ATF6: variants seen among roughly 807,000 people sequenced by gnomAD.
ATF6 encodes the protein activating transcription factor 6, also known as cyclic AMP-dependent transcription factor ATF-6 alpha.
A neutral mutation model predicts 83.6 loss-of-function variants in ATF6; 53 were observed. That is an observed-to-expected ratio of 0.63 (90% CI 0.51 to 0.80). ATF6 has a LOEUF of 0.80. ATF6 is among the 30% of genes least tolerant of loss of function. The probability of loss-of-function intolerance (pLI) is 0.00; values close to 1 mark genes in which losing one functional copy is unlikely to be tolerated. For synonymous variants in ATF6, 288 were observed against 285.8 expected (o/e 1.01, Z -0.08); for missense variants, 744 against 797.9 (o/e 0.93, Z 0.81).
At chr1:161,898,017 A>G (rs1418593019) in intron 14 of ATF6, among the ~76,000 whole-genome samples, 1 of 152,172 alleles carries the variant, frequency 6.6e-6, no homozygotes, top group African/African-American at 2.4e-5. Context: ...CTTGTGGTAT[A>G]TTTTGGAGAT....
At chr1:161,881,629 G>C (rs1031247414) in intron 14 of ATF6, among the ~76,000 whole-genome samples, 1 of 152,152 alleles carries the variant, frequency 6.6e-6, no homozygotes, top group African/African-American at 2.4e-5. Context: ...ACCTCCTCAT[G>C]TTCAGCAATC....
At chr1:161,938,891 A>T (rs1008880509) in intron 15 of ATF6, among the ~76,000 whole-genome samples, 4 of 152,174 alleles carry the variant, frequency 2.6e-5, no homozygotes, top group African/African-American at 7.2e-5. Context: ...GCTCACTTTT[A>T]AAAAATTCCC....
At chr1:161,945,783 T>C (rs1421964362) in intron 15 of ATF6, among the ~76,000 whole-genome samples, 1 of 152,202 alleles carries the variant, frequency 6.6e-6, no homozygotes, top group African/African-American at 2.4e-5. Flanking sequence ...ATAGAAGCTA[T>C]GTTATATAAG....
At chr1:161,937,832 A>G (rs1428243767) in intron 15 of ATF6, among the ~76,000 whole-genome samples, 1 of 151,998 alleles carries the variant, frequency 6.6e-6, no homozygotes, top group Non-Finnish European at 1.5e-5. Flanking sequence ...TGGCACATGT[A>G]TACCTATGTA....
At chr1:161,828,629 C>T (rs1237867404) in intron 9 of ATF6, among the ~76,000 whole-genome samples, 1 of 152,138 alleles carries the variant, frequency 6.6e-6, no homozygotes, top group Non-Finnish European at 1.5e-5. Flanking sequence ...TTATTAAGTA[C>T]CTATCTTGGT....
intron 14 of ATF6, among the ~76,000 whole-genome samples, chr1:161,909,713 T>C (rs1431947136): frequency 6.6e-6 from 1 of 152,010 alleles, no homozygotes; most frequent in East Asian, 1.9e-4. Flanking sequence ...TCCCAGCACT[T>C]TGGGAGGCCG....
intron 14 of ATF6, among the ~76,000 whole-genome samples, chr1:161,877,095 A>G (rs955801921): frequency 2.6e-5 from 4 of 152,108 alleles, no homozygotes; most frequent in Non-Finnish European, 4.4e-5. Context: ...TGTGTTTCAT[A>G]ACTTTCTCCA....
chr1:161,858,901 A>C (rs889957692), intron 12 of ATF6, among the ~76,000 whole-genome samples: 3 of 152,180 alleles, frequency 2.0e-5, no homozygotes, highest in Non-Finnish European at 4.4e-5. Context: ...TTCTGAGACT[A>C]GGGAAATAAG....
intron 1 of ATF6, among the ~76,000 whole-genome samples, chr1:161,776,403 C>G (rs1684515091): frequency 6.6e-6 from 1 of 152,100 alleles, no homozygotes; most frequent in African/African-American, 2.4e-5. Flanking sequence ...TGCACAAAAC[C>G]CCATCACCTT....
chr1:161,773,212 C>T (rs1684434189), intron 1 of ATF6, among the ~76,000 whole-genome samples: 1 of 151,144 alleles, frequency 6.6e-6, no homozygotes, highest in Non-Finnish European at 1.5e-5. Flanking sequence ...CGGCTCACTG[C>T]AAGCTCCACC....
Position 161,778,321 on chromosome 1 carries a change from G to C in ATF6, c.159+1G>C. The C allele has an allele frequency of 6.2e-7, 1 of 1,610,934 alleles. No individual in the cohort carries two copies. Among genetic ancestry groups the C allele is most frequent in the Non-Finnish European group, 8.5e-7 (1 of 1,177,494 alleles). Reference sequence around the variant, plus strand: ...ATTGGAAGCAGCAAATGAGACGTATGTAAGTATTTACTAAGGTTGAATAAT... The same window carrying C: ...ATTGGAAGCAGCAAATGAGACGTATCTAAGTATTTACTAAGGTTGAATAAT... On this transcript the variant is annotated splice_donor_variant, in intron 2 of 15. Coordinates refer to ENST00000367942, the MANE Select transcript of ATF6 (RefSeq NM_007348.4). LOFTEE classifies it high-confidence loss of function.
intron 9 of ATF6, among the ~76,000 whole-genome samples, chr1:161,833,238 A>G (rs946218694): frequency 6.6e-6 from 1 of 152,316 alleles, no homozygotes; most frequent in South Asian, 2.1e-4. Context: ...GGACATCCAC[A>G]CCAAAAACCC....
In ATF6 at chr1:161,819,741, G is replaced by A. The variant is rs749537392; in HGVS notation, c.1018G>A (p.Ala340Thr). 5.0e-6 allele frequency: 8 copies of A among 1,612,826 alleles called. No individual in the cohort carries two copies. The Admixed American group carries it at 1.3e-4, about 27-fold the overall frequency. The change falls in exon 8 of 16, where the codon GCT becomes ACT. Residue 340 changes from alanine (A) to threonine (T), a missense_variant. Transcript: ENST00000367942. ...GCTAGGGTTAGAGGCGAGATTAAAG[G>A]CTGCCCTCTCAGAAAACGAGCAACT... ...YMLGLEARLK[A>T]ALSENEQLKK...
At chr1:161,913,957 G>A (rs1688041548) in intron 15 of ATF6, among the ~76,000 whole-genome samples, 1 of 152,178 alleles carries the variant, frequency 6.6e-6, no homozygotes. Context: ...AAACCAACAA[G>A]ATGCTGTTTG....
At chr1:161,805,414 C>T (rs765357902) in intron 7 of ATF6, among the ~76,000 whole-genome samples, 9 of 152,060 alleles carry the variant, frequency 5.9e-5, no homozygotes, top group Non-Finnish European at 1.0e-4. Flanking sequence ...TCTAGTCAAC[C>T]TGCATTGAGG....
chr1:161,927,523 AGTATTTGATGTGG>A (rs1388567922), intron 15 of ATF6, among the ~76,000 whole-genome samples: 1 of 152,182 alleles, frequency 6.6e-6, no homozygotes, highest in Non-Finnish European at 1.5e-5. Flanking sequence ...AGAATGACTT[AGTATTTGATGTGG>A]GGAAAGGCAA....
chr1:161,897,000 C>T (rs920998990), intron 14 of ATF6, among the ~76,000 whole-genome samples: 6 of 152,160 alleles, frequency 3.9e-5, no homozygotes, highest in Non-Finnish European at 8.8e-5. Context: ...GAAGAGAGTT[C>T]TTTCAGAAAT....
intron 14 of ATF6, among the ~76,000 whole-genome samples, chr1:161,911,195 C>G (rs1447909012): frequency 6.6e-6 from 1 of 152,100 alleles, no homozygotes; most frequent in African/African-American, 2.4e-5. Flanking sequence ...AACACAGGAA[C>G]AAGAAAAGAA....
At chr1:161,872,439 G>T (rs943144447) in intron 14 of ATF6, among the ~76,000 whole-genome samples, 1 of 151,484 alleles carries the variant, frequency 6.6e-6, no homozygotes, top group Non-Finnish European at 1.5e-5. Flanking sequence ...CAGAGACTAA[G>T]ACAAAGCCCT....
Sources: allele counts gnomAD v4.1 joint callset (sites outside exome capture counted in the v4.1 genomes callset), GRCh38; gene constraint gnomAD v4.1.1; transcripts MANE v1.5; gene names NCBI Gene and HGNC (gene_info 2026-07-23, HGNC 2026-07-21).